The following POM121 variants were observed in gnomAD, a reference collection of about 807,000 sequenced individuals.
POM121 encodes the protein POM121 transmembrane nucleoporin, also known as nuclear envelope pore membrane protein POM 121.
In POM121, 32 loss-of-function variants were observed where a neutral mutation model predicts 81.3. The ratio of observed to expected loss-of-function variants is 0.39; its 90% confidence interval spans 0.30 to 0.53. The LOEUF is 0.53. POM121 is among the 20% of genes least tolerant of loss of function. The pLI is 0.66. For missense variants in POM121, 1,138 were observed against 1,614.6 expected (o/e 0.70, Z 5.06); for synonymous variants, 514 against 694.2 (o/e 0.74, Z 4.08).
Position 72,943,131 on chromosome 7 carries a change from C to A in POM121, c.3138C>A (p.Ala1046=), listed in dbSNP as rs782783071. The A allele has an allele frequency of 1.2e-6, 2 of 1,613,196 alleles. No homozygotes were observed. The highest frequency in any genetic ancestry group is 8.5e-7 in the Non-Finnish European group (1 of 1,179,676). ...SAFGLKATAS[A]FGAPASSQPA... ...TTGGGTTGAAAGCCACGGCTTCGGC[C>A]TTCGGCGCTCCCGCCAGCTCACAGC... is the stretch of plus-strand genomic sequence containing the variant. Residue 1046 remains alanine (A), a synonymous_variant, in exon 11 of 13, where the codon GCC becomes GCA. Transcript: ENST00000434423.
Position 72,926,426 on chromosome 7 carries a change from C to T in POM121, c.809C>T (p.Pro270Leu), listed in dbSNP as rs1248981481. 1 of 1,613,990 alleles carries T rather than the reference C, an allele frequency of 6.2e-7. No homozygotes were observed. The highest frequency in any genetic ancestry group is 1.1e-5 in the South Asian group (1 of 91,078). The change falls in exon 2 of 13, where the codon CCA becomes CTA. Residue 270 changes from proline (P) to leucine (L), a missense_variant. Transcript: ENST00000434423. ...SPRNSRMVCS[P>L]VTVRIAPPDR... ...CGCAACTCCAGGATGGTGTGTAGCC[C>T]AGTGACTGTGAGGATCGCCCCTCCT...
chr7:72,948,139 T>G lies in POM121; in HGVS notation c.*1905T>G. The G allele has an allele frequency of 7.1e-7, 1 of 1,412,538 alleles. No individual in the cohort carries two copies. 87.5% of individuals were successfully genotyped at this position (1,412,538 alleles called of 1,614,324 possible). On this transcript the variant is annotated 3_prime_UTR_variant, in exon 13 of 13. Transcript: ENST00000434423. The stretch of plus-strand genomic sequence containing the variant: ...CGGGAACCCTGAGTGAGAATGAGTG[T>G]GGATGTGTACAGTACACGCACTGGA...
chr7:72,931,673 C>T (rs1419644750), intron 5 of POM121, among the ~76,000 whole-genome samples: 4 of 151,494 alleles, frequency 2.6e-5, no homozygotes, highest in Admixed American at 1.3e-4. Flanking sequence ...TGAGTTCAAG[C>T]GATTCTCCTG....
chr7:72,922,182 A>G (rs1222240087), upstream of POM121, among the ~76,000 whole-genome samples: 2 of 152,130 alleles, frequency 1.3e-5, no homozygotes, highest in African/African-American at 2.4e-5. Context: ...ATATGTGTAT[A>G]TTATTAGGTA....
Position 72,946,525 on chromosome 7 carries a change from C to T in POM121, c.*291C>T. On this transcript the variant is annotated 3_prime_UTR_variant, in exon 13 of 13. Coordinates refer to ENST00000434423, the MANE Select transcript of POM121 (RefSeq NM_001387691.1). ...AAACACCTGTACATAGTGTCCGCTGCCCTGACTCCCGCTTAGCACACCCTT... is the reference window on the plus strand; with the variant it reads ...AAACACCTGTACATAGTGTCCGCTGTCCTGACTCCCGCTTAGCACACCCTT... The T allele has an allele frequency of 4.3e-6, 5 of 1,157,244 alleles. No homozygotes were observed. Among genetic ancestry groups the T allele is most frequent in the Non-Finnish European group, 5.3e-6 (5 of 937,210 alleles). 71.7% of individuals were successfully genotyped at this position (1,157,244 alleles called of 1,614,324 possible). A position where few individuals can be genotyped will look rare whatever the true frequency, so the allele number is the denominator to read the frequency against.
At chr7:72,911,264 A>G (rs1360213016) in intron 3 of POM121, among the ~76,000 whole-genome samples, 1 of 152,230 alleles carries the variant, frequency 6.6e-6, no homozygotes, top group South Asian at 2.1e-4. Context: ...GATTACAGGC[A>G]TGAGCCACCG....
At chr7:72,929,446 T>A (rs1795801029) in intron 4 of POM121, among the ~76,000 whole-genome samples, 1 of 152,240 alleles carries the variant, frequency 6.6e-6, no homozygotes, top group Admixed American at 6.5e-5. Flanking sequence ...GATTTCTGTT[T>A]CCATTGGAGG....
intron 1 of POM121, among the ~76,000 whole-genome samples, chr7:72,925,989 T>G (rs1795404743): frequency 6.6e-6 from 1 of 152,112 alleles, no homozygotes; most frequent in Non-Finnish European, 1.5e-5. Flanking sequence ...TTCTAAAAAC[T>G]CCTCGAATTT....
intron 4 of POM121, among the ~76,000 whole-genome samples, chr7:72,919,497 ATTGT>A (rs1322789797): frequency 1.3e-5 from 2 of 151,258 alleles, no homozygotes; most frequent in Non-Finnish European, 2.9e-5. Flanking sequence ...CTTTTTATTT[ATTGT>A]TTGAGAGTCT....
At chr7:72,949,358 G>A (rs368542771), downstream of POM121, 35 of 817,202 alleles carry the variant, frequency 4.3e-5, no homozygotes, top group Non-Finnish European at 7.1e-5. Context: ...TGGACCTCAC[G>A]ATAGCGCGGA....
At position 72,943,371 on chromosome 7, in the gene POM121, TTTC is replaced by T. The variant is rs1797326123; in HGVS notation, c.3379_3381del (p.Phe1127del). The T allele has an allele frequency of 6.2e-7, 1 of 1,613,034 alleles. No homozygotes were observed. The highest frequency in any genetic ancestry group is 8.5e-7 in the Non-Finnish European group (1 of 1,179,734). On this transcript the variant is annotated inframe_deletion, in exon 11 of 13. Transcript: ENST00000434423. ...CAGGCTCCAGCACCACCACCGGAGC[TTTC>T]AGCTTTGGAGCAGGACAGAGTGGGA...
Position 72,946,301 on chromosome 7 carries a change from G to A in POM121, c.*67G>A. On this transcript the variant is annotated 3_prime_UTR_variant, in exon 13 of 13. Transcript: ENST00000434423. ...TCTGGACCTTGGCACCTGCTAGGAAGAGCCTTGGACCCTTCCAGTTGCGTA... is the reference window on the plus strand; with the variant it reads ...TCTGGACCTTGGCACCTGCTAGGAAAAGCCTTGGACCCTTCCAGTTGCGTA... 1 of 1,595,986 alleles carries A rather than the reference G, an allele frequency of 6.3e-7. No homozygotes were observed. The highest frequency in any genetic ancestry group is 8.5e-7 in the Non-Finnish European group (1 of 1,171,920).
intron 6 of POM121, 70 bp from the exon 7 acceptor site, chr7:72,939,266 G>T: frequency 2.5e-6 from 4 of 1,570,978 alleles, no homozygotes; most frequent in African/African-American, 1.3e-5. Flanking sequence ...AGTTAGGAGG[G>T]TGTGAGAAAT....
Position 72,943,223 on chromosome 7 carries a change from C to T in POM121, c.3230C>T (p.Thr1077Ile), listed in dbSNP as rs1287821177. The T allele has an allele frequency of 3.1e-6, 5 of 1,612,784 alleles. No individual in the cohort carries two copies. Among genetic ancestry groups the T allele is most frequent in the Non-Finnish European group, 3.4e-6 (4 of 1,179,768 alleles). ...AATSSGFGATTQTASSGSSSS... is the reference protein window; with the variant it reads ...AATSSGFGATIQTASSGSSSS... ...ACCAGCTCCGGCTTTGGAGCCACCA[C>T]CCAGACCGCCAGCAGCGGGAGCAGC... The change falls in exon 11 of 13, where the codon ACC becomes ATC. Residue 1077 changes from threonine to isoleucine, a missense_variant. This residue lies in a region of POM121 where 336 missense variants were observed against 344.3 expected (regional missense o/e 0.98). Transcript: ENST00000434423.
In POM121 at chr7:72,942,831, C is replaced by A. The variant is rs1554501832; in HGVS notation, c.2838C>A (p.Pro946=). Residue 946 remains proline (P), a synonymous_variant, in exon 11 of 13, where the codon CCC becomes CCA. Coordinates refer to ENST00000434423, the MANE Select transcript of POM121 (RefSeq NM_001387691.1). The stretch of plus-strand genomic sequence containing the variant: ...TGACGTTCAGTAACACGAGCACCCC[C>A]ACGTTCAACATTCCCTTTGGCTCAA... ...PTLTFSNTST[P]TFNIPFGSSA... is the part of the protein sequence containing the mutation. 6.4e-7 allele frequency: 1 copy of A among 1,560,992 alleles called. No individual in the cohort carries two copies. The highest frequency in any genetic ancestry group is 8.7e-7 in the Non-Finnish European group (1 of 1,156,020).
Position 72,943,063 on chromosome 7 carries a change from A to T in POM121, c.3070A>T (p.Thr1024Ser). Residue 1024 changes from threonine (T) to serine (S), a missense_variant, in exon 11 of 13, where the codon ACG (threonine) becomes TCG (serine). Physicochemically the swap from Thr to Ser is moderately conservative, Grantham distance 58. This residue lies in a region of POM121 where 336 missense variants were observed against 344.3 expected (regional missense o/e 0.98). Transcript: ENST00000434423. The stretch of plus-strand genomic sequence containing the variant: ...CAAGGTCGTGCCTGCGTACGTGCCT[A>T]CGCCCATCCATCCTATCTTTGGCGG... ...MIKVVPAYVP[T>S]PIHPIFGGAT... The T allele has an allele frequency of 6.2e-7, 1 of 1,613,850 alleles. No homozygotes were observed. The highest frequency in any genetic ancestry group is 8.5e-7 in the Non-Finnish European group (1 of 1,179,860).
intron 1 of POM121, among the ~76,000 whole-genome samples, chr7:72,884,348 T>G (rs1221045783): frequency 6.6e-6 from 1 of 152,070 alleles, no homozygotes; most frequent in Non-Finnish European, 1.5e-5. Flanking sequence ...AAACAGATAG[T>G]AAATGTTTCA....
chr7:72,937,295 A>T (rs1554499707), intron 5 of POM121, among the ~76,000 whole-genome samples: 1 of 151,998 alleles, frequency 6.6e-6, no homozygotes, highest in East Asian at 1.9e-4. Context: ...CCGTCCTTTG[A>T]GAACCAGTGA....
At chr7:72,880,541 C>A (rs1790034518) in intron 1 of POM121, among the ~76,000 whole-genome samples, 1 of 151,994 alleles carries the variant, frequency 6.6e-6, no homozygotes, top group African/African-American at 2.4e-5. Flanking sequence ...TTTCTGAGAG[C>A]TCACATACTC....
Sources: gnomAD v4.1 joint callset for allele counts (sites outside exome capture counted in the v4.1 genomes callset) on GRCh38, gnomAD v4.1.1 for gene constraint, gnomAD v4.1.1 regional missense constraint, MANE v1.5 for transcripts, NCBI Gene and HGNC (gene_info 2026-07-23, HGNC 2026-07-21) for gene names.